VWC2: variants seen among roughly 807,000 people sequenced by gnomAD.
The protein encoded by VWC2 is von Willebrand factor C domain containing 2, also known as brorin.
A neutral mutation model predicts 29.8 loss-of-function variants in VWC2; 14 were observed. That is an observed-to-expected ratio of 0.47 (90% confidence interval 0.31 to 0.74). VWC2 has a LOEUF of 0.74. Among genes scored for constraint, VWC2 ranks in the 30% least tolerant of loss-of-function variants. The pLI, the probability that VWC2 is intolerant of heterozygous loss-of-function variation, is 0.05. For missense variants in VWC2, 457 were observed against 459.8 expected, an observed-to-expected ratio of 0.99 and a Z score of 0.05; for synonymous variants, 213 against 199.0, an observed-to-expected ratio of 1.07 and a Z score of -0.59.
At position 49,919,530 on chromosome 7, in the gene VWC2, G is replaced by A. The variant is rs1793909323; in HGVS notation, c.*7345G>A. The A allele has an allele frequency of 6.6e-6, 1 of 152,114 alleles. No homozygotes were observed. Among genetic ancestry groups the A allele is most frequent in the Admixed American group, 6.5e-5 (1 of 15,268 alleles). The allele number at this position is 152,114 out of a possible 1,614,324, so 9.4% of individuals were successfully genotyped here. On this transcript the variant is annotated 3_prime_UTR_variant, in exon 4 of 4. Coordinates refer to ENST00000340652, the MANE Select transcript of VWC2 (RefSeq NM_198570.5). ...CTGCTTGGGCTAGTTATACTCTGCAGTATACCCTGGTTTATTGTGAGGATT... is the reference window on the plus strand; with the variant it reads ...CTGCTTGGGCTAGTTATACTCTGCAATATACCCTGGTTTATTGTGAGGATT...
In VWC2 at chr7:49,805,774, G is replaced by T. The variant is rs573568573; in HGVS notation, c.826+2934G>T. 1.1e-4 allele frequency among the ~76,000 whole-genome samples: 16 copies of T among 152,316 alleles called. No individual in the cohort carries two copies. In the South Asian group the frequency reaches 1.2e-3, roughly 12 times the overall value. ...TTATATGAAATTAAAAGCTTGGATAGACTTATCTTGGATGAAATATGAAGG... is the reference window on the plus strand; with the variant it reads ...TTATATGAAATTAAAAGCTTGGATATACTTATCTTGGATGAAATATGAAGG... On this transcript the variant is annotated intron_variant, in intron 3 of 3. Coordinates refer to ENST00000340652, the MANE Select transcript of VWC2 (RefSeq NM_198570.5).
At chr7:49,802,680 C>A in intron 2 of VWC2, 31 bp from the exon 3 acceptor site, 1 of 1,613,616 alleles carries the variant, frequency 6.2e-7, no homozygotes, top group Non-Finnish European at 8.5e-7. Flanking sequence ...TGACAGCAGG[C>A]TAAAGTGCTG....
At chr7:49,816,320 G>A (rs1292810569) in intron 3 of VWC2, among the ~76,000 whole-genome samples, 1 of 152,220 alleles carries the variant, frequency 6.6e-6, no homozygotes, top group Non-Finnish European at 1.5e-5. Flanking sequence ...GGTTAAGGGT[G>A]TCTGAAAAGA....
chr7:49,848,130 G>C (rs1223925443), intron 3 of VWC2, among the ~76,000 whole-genome samples: 1 of 152,188 alleles, frequency 6.6e-6, no homozygotes, highest in African/African-American at 2.4e-5. Flanking sequence ...TTTGTGAGTG[G>C]GATGCCCTGT....
chr7:49,792,941 T>C (rs1788498337), intron 2 of VWC2, among the ~76,000 whole-genome samples: 1 of 152,234 alleles, frequency 6.6e-6, no homozygotes, highest in South Asian at 2.1e-4. Flanking sequence ...CCACGTCTCA[T>C]GGCCTACCTG....
intron 2 of VWC2, among the ~76,000 whole-genome samples, chr7:49,799,429 AGCAGGGCACCTG>A (rs1334987329): frequency 6.6e-6 from 1 of 152,228 alleles, no homozygotes; most frequent in African/African-American, 2.4e-5. Flanking sequence ...AGGCAGAACT[AGCAGGGCACCTG>A]GCTGGCATCT....
At chr7:49,794,871 A>G (rs777707774) in intron 2 of VWC2, among the ~76,000 whole-genome samples, 18 of 152,156 alleles carry the variant, frequency 1.2e-4, no homozygotes, top group Non-Finnish European at 4.4e-5. Flanking sequence ...CACCTGACTT[A>G]TCATATTCCA....
chr7:49,783,623 C>T (rs1186400996), intron 2 of VWC2, among the ~76,000 whole-genome samples: 2 of 152,138 alleles, frequency 1.3e-5, no homozygotes, highest in East Asian at 1.9e-4. Flanking sequence ...CTATTTCTGT[C>T]GGGCACTGGG....
At chr7:49,817,747 T>C (rs576862356) in intron 3 of VWC2, among the ~76,000 whole-genome samples, 1 of 152,372 alleles carries the variant, frequency 6.6e-6, no homozygotes, top group East Asian at 1.9e-4. Context: ...TAAGAGCAGT[T>C]ACAATTTGCC....
Position 49,789,334 on chromosome 7 carries a change from C to G in VWC2, c.696+13203C>G, listed in dbSNP as rs113872343. ...GTGTGGGTGTAGGTGTGTGTGGGTG[C>G]GTGTGAGTGTATATGTGGCTGTGTG... On this transcript the variant is annotated intron_variant, in intron 2 of 3. Coordinates refer to ENST00000340652, the MANE Select transcript of VWC2 (RefSeq NM_198570.5). Among the ~76,000 whole-genome samples, 179 of 119,708 alleles carry G rather than the reference C, an allele frequency of 1.5e-3. 1 individual carries two copies. The highest frequency in any genetic ancestry group is 4.6e-3 in the African/African-American group (107 of 23,286). The allele number at this position is 119,708 out of a possible 152,430, so 78.5% of individuals were successfully genotyped here. A position where few individuals can be genotyped will look rare whatever the true frequency, so the allele number is the denominator to read the frequency against.
intron 3 of VWC2, among the ~76,000 whole-genome samples, chr7:49,875,374 A>AAAAAAAC: frequency 6.8e-6 from 1 of 146,862 alleles, no homozygotes; most frequent in Non-Finnish European, 1.5e-5. Context: ...TGACTCAAAA[A>AAAAAAAC]AAAAAAAAAA....
At chr7:49,865,426 C>T (rs925431333) in intron 3 of VWC2, among the ~76,000 whole-genome samples, 3 of 152,150 alleles carry the variant, frequency 2.0e-5, no homozygotes, top group Non-Finnish European at 4.4e-5. Context: ...TATAACCAAC[C>T]GCAAAACGTA....
At chr7:49,801,472 T>C (rs1443310997) in intron 2 of VWC2, among the ~76,000 whole-genome samples, 1 of 152,224 alleles carries the variant, frequency 6.6e-6, no homozygotes, top group Non-Finnish European at 1.5e-5. Flanking sequence ...CCATTGGTGG[T>C]AACCAGGAGA....
intron 3 of VWC2, among the ~76,000 whole-genome samples, chr7:49,841,199 A>T (rs144436989): frequency 1.1e-4 from 16 of 152,292 alleles, no homozygotes; most frequent in African/African-American, 3.9e-4. Context: ...TAACCAAAGC[A>T]AGAAAGAGGC....
chr7:49,802,662 G>A (rs1199575702), intron 2 of VWC2, 49 bp from the exon 3 acceptor site: 1 of 1,611,778 alleles, frequency 6.2e-7, no homozygotes, highest in South Asian at 1.1e-5. Context: ...GACCCTGTAG[G>A]ATAAACATGA....
chr7:49,791,701 C>T (rs534104215), intron 2 of VWC2, among the ~76,000 whole-genome samples: 2 of 152,310 alleles, frequency 1.3e-5, no homozygotes, highest in South Asian at 4.1e-4. Context: ...GCATCTGACC[C>T]CTTGGCTTTG....
intron 3 of VWC2, among the ~76,000 whole-genome samples, chr7:49,835,088 T>A (rs1212628279): frequency 1.3e-5 from 2 of 152,218 alleles, no homozygotes; most frequent in Non-Finnish European, 2.9e-5. Context: ...AGTGCCCTGA[T>A]ACAAAGTTGT....
chr7:49,912,241 A>G lies in VWC2; in HGVS notation c.*56A>G. 1 of 1,580,024 alleles carries G rather than the reference A, an allele frequency of 6.3e-7. No homozygotes were observed. Among genetic ancestry groups the G allele is most frequent in the Non-Finnish European group, 8.6e-7 (1 of 1,156,494 alleles). ...TCTAGAACATTTTACTGATGTGAAC[A>G]TTCTAGATGACTCTGGGAACTATCA... is the stretch of plus-strand genomic sequence containing the variant. On this transcript the variant is annotated 3_prime_UTR_variant, in exon 4 of 4. Transcript: ENST00000340652.
At chr7:49,895,165 A>G (rs1180384064) in intron 3 of VWC2, among the ~76,000 whole-genome samples, 1 of 152,192 alleles carries the variant, frequency 6.6e-6, no homozygotes, top group Non-Finnish European at 1.5e-5. Context: ...GGCCTGTTCA[A>G]TTGATGGTGT....
Sources: gnomAD v4.1 joint callset for allele counts (sites outside exome capture counted in the v4.1 genomes callset) on GRCh38, gnomAD v4.1.1 for gene constraint, MANE v1.5 for transcripts, NCBI Gene and HGNC (gene_info 2026-07-23, HGNC 2026-07-21) for gene names.